TRIM59: variants seen among roughly 807,000 people sequenced by gnomAD.
The protein encoded by TRIM59 is tripartite motif-containing protein 59.
TRIM59 carries 14 observed loss-of-function variants against 32.2 expected under a neutral mutation model. The ratio of observed to expected loss-of-function variants is 0.43; its 90% CI spans 0.29 to 0.68. TRIM59 has a LOEUF of 0.68. Among genes scored for constraint, TRIM59 ranks in the 30% least tolerant of loss-of-function variants. The pLI, the probability that TRIM59 is intolerant of heterozygous loss-of-function variation, is 0.15. For missense variants in TRIM59, 471 were observed against 463.3 expected (o/e 1.02, Z -0.15); for synonymous variants, 163 against 155.1 (o/e 1.05, Z -0.38).
At chr3:160,444,961 A>T (rs1719444304) in intron 2 of TRIM59, among the ~76,000 whole-genome samples, 1 of 152,180 alleles carries the variant, frequency 6.6e-6, no homozygotes, top group Non-Finnish European at 1.5e-5. Context: ...GCCACGACAT[A>T]ATTTATTCAT....
chr3:160,435,778 A>G lies in TRIM59; in HGVS notation c.*2194T>C. ...TTCTTACAGATTACAAACCCTTACC[A>G]ACATTAATCTTGGCCTACTTTAAAG... On this transcript the variant is annotated 3_prime_UTR_variant, in exon 3 of 3. Transcript: ENST00000309784. 2.3e-6 allele frequency: 1 copy of G among 437,382 alleles called. No individual in the cohort carries two copies. The highest frequency in any genetic ancestry group is 2.0e-5 in the African/African-American group (1 of 48,946). 27.1% of individuals were successfully genotyped at this position (437,382 alleles called of 1,614,324 possible).
rs1718897768 is a variant in TRIM59 at position 160,435,655 on chromosome 3, A to G, written c.*2317T>C. 8.9e-6 allele frequency: 2 copies of G among 224,764 alleles called. No homozygotes were observed. 13.9% of individuals were successfully genotyped at this position (224,764 alleles called of 1,614,324 possible). A position where few individuals can be genotyped will look rare whatever the true frequency, so the allele number is the denominator to read the frequency against. Reference sequence around the variant, plus strand: ...GAACCAGTTACTCATATACTCAACTATATTCATGCATACTTAACAAAATGA... The same window carrying G: ...GAACCAGTTACTCATATACTCAACTGTATTCATGCATACTTAACAAAATGA... On this transcript the variant is annotated 3_prime_UTR_variant, in exon 3 of 3. Transcript: ENST00000309784.
At position 160,438,610 on chromosome 3, in the gene TRIM59, G is replaced by A; in HGVS notation, c.574C>T (p.Leu192Phe). 6.2e-7 allele frequency: 1 copy of A among 1,611,744 alleles called. No homozygotes were observed. ...TTTTTCTGTTCTAATGTATCATTAA[G>A]CTCCTTAAAATACTGGAGAACAGCT... ...KEAVLQYFKE[L>F]NDTLEQKKKS... is the part of the protein sequence containing the mutation. The change falls in exon 3 of 3, where the codon CTT becomes TTT. Residue 192 changes from leucine to phenylalanine, a missense_variant. Leu to Phe is a conservative substitution (Grantham distance 22, BLOSUM62 0). Transcript: ENST00000309784.
At position 160,436,521 on chromosome 3, in the gene TRIM59, G is replaced by A. The variant is rs993849190; in HGVS notation, c.*1451C>T. The A allele has an allele frequency of 8.1e-6, 8 of 985,492 alleles. No homozygotes were observed. Among genetic ancestry groups the A allele is most frequent in the African/African-American group, 5.2e-5 (3 of 57,242 alleles). The allele number at this position is 985,492 out of a possible 1,614,324, so 61.0% of individuals were successfully genotyped here. On this transcript the variant is annotated 3_prime_UTR_variant, in exon 3 of 3. Coordinates refer to ENST00000309784, the MANE Select transcript of TRIM59 (RefSeq NM_173084.3). ...TAATAAAAGATTAAGTTGTTGGGCC[G>A]GGCGTGGCGGCTCACGCCTATAATC...
At chr3:160,440,439 G>C (rs188441658) in intron 2 of TRIM59, among the ~76,000 whole-genome samples, 1 of 152,290 alleles carries the variant, frequency 6.6e-6, no homozygotes, top group Admixed American at 6.5e-5. Context: ...CTCTTGGCAA[G>C]CTACTACTGA....
At chr3:160,444,577 A>C (rs1316941383) in intron 2 of TRIM59, among the ~76,000 whole-genome samples, 1 of 152,174 alleles carries the variant, frequency 6.6e-6, no homozygotes, top group East Asian at 1.9e-4. Context: ...TGGAGATGAA[A>C]TCTATTCTCC....
rs145472801 is a variant in TRIM59, at chr3:160,443,892, G to A, written c.-3-4706C>T. ...CCTGACCTCATGATCCACCTGCCTC[G>A]ACCTCCCAAAGTGCTGTGATTTCAG... On this transcript the variant is annotated intron_variant, in intron 2 of 2. Transcript: ENST00000309784. Among the ~76,000 whole-genome samples, 190 of 152,130 alleles carry A rather than the reference G, an allele frequency of 1.2e-3. 1 individual carries two copies. The highest frequency in any genetic ancestry group is 4.3e-3 in the African/African-American group (177 of 41,484).
rs1443494389 is a variant in TRIM59 at position 160,437,144 on chromosome 3, A to T, written c.*828T>A. 32 of 861,344 alleles carry T rather than the reference A, an allele frequency of 3.7e-5. No homozygotes were observed. Among genetic ancestry groups the T allele is most frequent in the Non-Finnish European group, 4.2e-5 (30 of 717,168 alleles). The allele number at this position is 861,344 out of a possible 1,614,324, so 53.4% of individuals were successfully genotyped here. On this transcript the variant is annotated 3_prime_UTR_variant, in exon 3 of 3. Coordinates refer to ENST00000309784, the MANE Select transcript of TRIM59 (RefSeq NM_173084.3). Reference sequence around the variant, plus strand: ...AGGTGGGCAGATCTCTTGAGCCCAGAAGTTTGAGACCAACCTGGGCAATAT... The same window carrying T: ...AGGTGGGCAGATCTCTTGAGCCCAGTAGTTTGAGACCAACCTGGGCAATAT...
At chr3:160,446,444 AG>A in intron 2 of TRIM59, among the ~76,000 whole-genome samples, 1 of 152,220 alleles carries the variant, frequency 6.6e-6, no homozygotes, top group East Asian at 1.9e-4. Context: ...TGACTAAATA[AG>A]GTTCTTTCCA....
chr3:160,448,678 A>C (rs1719663287), intron 2 of TRIM59, 48 bp downstream of exon 2: 1 of 1,110,560 alleles, frequency 9.0e-7, no homozygotes. Flanking sequence ...TACACTCTGT[A>C]AAAACTTAAT....
chr3:160,440,786 G>A (rs373569903), intron 2 of TRIM59, among the ~76,000 whole-genome samples: 12 of 152,140 alleles, frequency 7.9e-5, no homozygotes, highest in East Asian at 3.9e-4. Flanking sequence ...TGTCAAATGC[G>A]TGTAATCCCA....
At chr3:160,445,341 G>A (rs1391718955) in intron 2 of TRIM59, among the ~76,000 whole-genome samples, 1 of 152,086 alleles carries the variant, frequency 6.6e-6, no homozygotes, top group Non-Finnish European at 1.5e-5. Flanking sequence ...GCTTGAGCCT[G>A]GGAGGTCCAG....
In TRIM59 at chr3:160,438,414, ACAT is replaced by A. The variant is rs2108514535; in HGVS notation, c.767_769del (p.Asp256del). ...TTTCAAGATCTGTACATGCTGGCGTACATCATCAACTTTTTCAAGAAATTTAAG... is the reference window on the plus strand; with the variant it reads ...TTTCAAGATCTGTACATGCTGGCGTACATCAACTTTTTCAAGAAATTTAAG... On this transcript the variant is annotated inframe_deletion, in exon 3 of 3. Coordinates refer to ENST00000309784, the MANE Select transcript of TRIM59 (RefSeq NM_173084.3). 6.2e-7 allele frequency: 1 copy of A among 1,614,020 alleles called. No homozygotes were observed. The highest frequency in any genetic ancestry group is 8.5e-7 in the Non-Finnish European group (1 of 1,179,986).
At position 160,437,018 on chromosome 3, in the gene TRIM59, CTT is replaced by C; in HGVS notation, c.*952_*953del. On this transcript the variant is annotated 3_prime_UTR_variant, in exon 3 of 3. Coordinates refer to ENST00000309784, the MANE Select transcript of TRIM59 (RefSeq NM_173084.3). Reference sequence around the variant, plus strand: ...ACTGACGAGCAGAAAAAAAAACAATCTTAAATTTGCACAAACTATAGAATATG... The same window carrying C: ...ACTGACGAGCAGAAAAAAAAACAATCAAATTTGCACAAACTATAGAATATG... The C allele has an allele frequency of 1.0e-6, 1 of 985,062 alleles. No homozygotes were observed. Among genetic ancestry groups the C allele is most frequent in the South Asian group, 4.7e-5 (1 of 21,264 alleles). 61.0% of individuals were successfully genotyped at this position (985,062 alleles called of 1,614,324 possible).
intron 2 of TRIM59, among the ~76,000 whole-genome samples, chr3:160,442,534 A>G (rs1313323116): frequency 6.6e-6 from 1 of 151,916 alleles, no homozygotes; most frequent in Non-Finnish European, 1.5e-5. Flanking sequence ...AGGGCAACAG[A>G]GCAAGACTCT....
chr3:160,439,007 G>A lies in TRIM59; in HGVS notation c.177C>T (p.Cys59=), dbSNP rs1373724120. The A allele has an allele frequency of 6.2e-7, 1 of 1,613,162 alleles. No individual in the cohort carries two copies. The highest frequency in any genetic ancestry group is 2.2e-5 in the East Asian group (1 of 44,856). ...PLRIPLKCPN[C]RSITEIAPTG... ...TTGGAGCAATTTCAGTAATACTTCTGCAATTAGGGCACTTGAGTGGAATTC... is the reference window on the plus strand; with the variant it reads ...TTGGAGCAATTTCAGTAATACTTCTACAATTAGGGCACTTGAGTGGAATTC... Residue 59 remains cysteine, a synonymous_variant, in exon 3 of 3, where the codon TGC becomes TGT. Coordinates refer to ENST00000309784, the MANE Select transcript of TRIM59 (RefSeq NM_173084.3).
At position 160,438,020 on chromosome 3, in the gene TRIM59, G is replaced by A. The variant is rs543952820; in HGVS notation, c.1164C>T (p.His388=). The A allele has an allele frequency of 2.6e-6, 4 of 1,566,180 alleles. No individual in the cohort carries two copies. The African/African-American group carries it at 4.1e-5, about 16-fold the overall frequency. Residue 388 remains histidine (H), a synonymous_variant, in exon 3 of 3, where the codon CAC becomes CAT. Coordinates refer to ENST00000309784, the MANE Select transcript of TRIM59 (RefSeq NM_173084.3). ...CAAATTCCTTCAACAAATAGAAAATGTGACACAGTATATTCTTTACCTTAT... is the reference window on the plus strand; with the variant it reads ...CAAATTCCTTCAACAAATAGAAAATATGACACAGTATATTCTTTACCTTAT... ...SLHKVKNILC[H]IFYLLKEFVW...
At chr3:160,444,064 G>C (rs886644282) in intron 2 of TRIM59, among the ~76,000 whole-genome samples, 17 of 152,198 alleles carry the variant, frequency 1.1e-4, no homozygotes, top group African/African-American at 3.9e-4. Flanking sequence ...ATAGTATATG[G>C]CTCAGCTGTC....
In TRIM59 at chr3:160,435,825, GAA is replaced by G. The variant is rs1234208833; in HGVS notation, c.*2145_*2146del. ...AAAGTTGAGTGATAGCATGAACTCT[GAA>G]AAGAGAATGCATGGGTTTTCTCACA... On this transcript the variant is annotated 3_prime_UTR_variant, in exon 3 of 3. Coordinates refer to ENST00000309784, the MANE Select transcript of TRIM59 (RefSeq NM_173084.3). The G allele has an allele frequency of 3.2e-6, 2 of 628,086 alleles. No individual in the cohort carries two copies. Among genetic ancestry groups the G allele is most frequent in the South Asian group, 1.5e-5 (1 of 66,620 alleles). 38.9% of individuals were successfully genotyped at this position (628,086 alleles called of 1,614,324 possible). A position where few individuals can be genotyped will look rare whatever the true frequency, so the allele number is the denominator to read the frequency against.
Sources: allele counts gnomAD v4.1 joint callset (sites outside exome capture counted in the v4.1 genomes callset), GRCh38; gene constraint gnomAD v4.1.1; transcripts MANE v1.5; gene names NCBI Gene and HGNC (gene_info 2026-07-23, HGNC 2026-07-21).